NOX4: variants seen among roughly 807,000 people sequenced by gnomAD.
The protein encoded by NOX4 is NADPH oxidase 4.
NOX4 carries 69 observed loss-of-function variants against 87.6 expected under a neutral mutation model. That is an observed-to-expected ratio of 0.79 (90% CI 0.65 to 0.96). The LOEUF (loss-of-function observed/expected upper bound fraction) is 0.96, where lower values mean the gene tolerates loss of function less well. Among genes scored for constraint, NOX4 ranks in the 40% least tolerant of loss-of-function variants. The pLI is 0.00. For missense variants in NOX4, 680 were observed against 681.5 expected (o/e 1.00, Z 0.02); for synonymous variants, 275 against 238.2 (o/e 1.15, Z -1.42).
chr11:89,451,343 T>C (rs918414477), intron 3 of NOX4, among the ~76,000 whole-genome samples: 3 of 152,150 alleles, frequency 2.0e-5, no homozygotes, highest in African/African-American at 7.2e-5. Context: ...TCTAGTTTGC[T>C]CACCTGGATT....
intron 1 of NOX4, 160 bp from the exon 2 acceptor site, chr11:89,490,713 CT>C: frequency 1.4e-6 from 1 of 710,154 alleles, no homozygotes; most frequent in East Asian, 2.7e-5. Flanking sequence ...CTGAAAACCA[CT>C]CAGAGGAAAA....
At chr11:89,573,107 T>C in the NOX4 span, among the ~76,000 whole-genome samples, 1 of 152,246 alleles carries the variant, frequency 6.6e-6, no homozygotes, top group Admixed American at 6.5e-5. Context: ...TCAAAGTATA[T>C]GCATTTTAAA....
In NOX4 at chr11:89,433,007, C is replaced by T. The variant is rs1247930982; in HGVS notation, c.476-151G>A. 7 of 590,138 alleles carry T rather than the reference C, an allele frequency of 1.2e-5. 1 individual carries two copies. Among genetic ancestry groups the T allele is most frequent in the East Asian group, 2.8e-5 (1 of 35,706 alleles). 36.6% of individuals were successfully genotyped at this position (590,138 alleles called of 1,614,324 possible). On this transcript the variant is annotated intron_variant, in intron 6 of 17. Transcript: ENST00000263317. ...ACATGTATGTTCTCCCTCAAACAAG[C>T]CCTTTACTTTTTAATTTTTTAAATT...
intron 12 of NOX4, among the ~76,000 whole-genome samples, chr11:89,362,550 T>G (rs1055626403): frequency 6.6e-6 from 1 of 152,234 alleles, no homozygotes; most frequent in Admixed American, 6.5e-5. Flanking sequence ...GTTTGAATTT[T>G]TAATCTTTAG....
At chr11:89,583,198 G>A in the NOX4 span, among the ~76,000 whole-genome samples, 1 of 151,914 alleles carries the variant, frequency 6.6e-6, no homozygotes, top group East Asian at 1.9e-4. Context: ...ATGATAAGAT[G>A]TCTTGGAGAA....
At chr11:89,560,996 C>CTCTCTCTCTCTCTCTCTATA in the NOX4 span, among the ~76,000 whole-genome samples, 1 of 40,822 alleles carries the variant, frequency 2.4e-5, no homozygotes, top group African/African-American at 1.3e-4. Context: ...CTCTCTCTCT[C>CTCTCTCTCTCTCTCTCTATA]TATATATATA....
At chr11:89,564,372 A>C in the NOX4 span, among the ~76,000 whole-genome samples, 41 of 152,210 alleles carry the variant, frequency 2.7e-4, no homozygotes, top group African/African-American at 9.4e-4. Context: ...AGCAAAGGGG[A>C]AGGTGCTATA....
chr11:89,421,624 T>C (rs1017940229), intron 8 of NOX4, among the ~76,000 whole-genome samples: 2 of 152,174 alleles, frequency 1.3e-5, no homozygotes, highest in African/African-American at 2.4e-5. Context: ...TTAGAAGATA[T>C]TAGGATATAT....
chr11:89,436,724 G>C (rs1351252355), intron 6 of NOX4, among the ~76,000 whole-genome samples: 2 of 151,760 alleles, frequency 1.3e-5, no homozygotes, highest in African/African-American at 4.8e-5. Flanking sequence ...TTGTTTCTGA[G>C]GGTTTTTAAA....
chr11:89,430,660 CTTCT>C (rs1943727987), intron 7 of NOX4, among the ~76,000 whole-genome samples: 1 of 152,128 alleles, frequency 6.6e-6, no homozygotes, highest in South Asian at 2.1e-4. Flanking sequence ...ATGTGAAGGA[CTTCT>C]TCAAGGAGAA....
At chr11:89,453,647 T>C (rs182856656) in intron 2 of NOX4, among the ~76,000 whole-genome samples, 3 of 152,294 alleles carry the variant, frequency 2.0e-5, no homozygotes, top group African/African-American at 4.8e-5. Context: ...TATTAATACA[T>C]TAAACCTCTT....
intron 11 of NOX4, among the ~76,000 whole-genome samples, chr11:89,378,860 C>A (rs1032827665): frequency 6.6e-6 from 1 of 152,140 alleles, no homozygotes; most frequent in African/African-American, 2.4e-5. Flanking sequence ...GAGGAGATCA[C>A]GCGGAGCACC....
intron 7 of NOX4, among the ~76,000 whole-genome samples, chr11:89,429,197 C>T (rs547817968): frequency 6.6e-6 from 1 of 152,144 alleles, no homozygotes; most frequent in African/African-American, 2.4e-5. Context: ...ATCTCTGGGA[C>T]ACATTTAAAG....
the NOX4 span, among the ~76,000 whole-genome samples, chr11:89,588,980 G>A: frequency 6.6e-6 from 1 of 151,960 alleles, no homozygotes; most frequent in Non-Finnish European, 1.5e-5. Context: ...CCCTCCCAAG[G>A]TATCTCCTCA....
At chr11:89,462,142 G>T (rs1163705584) in intron 2 of NOX4, among the ~76,000 whole-genome samples, 2 of 151,984 alleles carry the variant, frequency 1.3e-5, no homozygotes, top group Non-Finnish European at 2.9e-5. Flanking sequence ...AATAAAAAAT[G>T]TAAATTGTCT....
intron 6 of NOX4, among the ~76,000 whole-genome samples, chr11:89,433,842 T>C (rs1005844445): frequency 2.0e-5 from 3 of 152,074 alleles, no homozygotes; most frequent in African/African-American, 7.2e-5. Flanking sequence ...TTAGCACATA[T>C]AGCATGTCCA....
intron 6 of NOX4, among the ~76,000 whole-genome samples, chr11:89,436,462 C>A (rs1316215408): frequency 6.6e-6 from 1 of 152,116 alleles, no homozygotes; most frequent in African/African-American, 2.4e-5. Context: ...TTTTTTAGTC[C>A]TTCAAGTTAG....
intron 4 of NOX4, among the ~76,000 whole-genome samples, chr11:89,445,740 T>G (rs760189742): frequency 1.3e-5 from 2 of 152,074 alleles, no homozygotes; most frequent in Non-Finnish European, 2.9e-5. Flanking sequence ...GACCCAAATG[T>G]AAAATGCAAA....
chr11:89,355,171 A>G, intron 12 of NOX4, 128 bp from the exon 13 acceptor site: 2 of 626,536 alleles, frequency 3.2e-6, no homozygotes. Context: ...CTTTATTAGA[A>G]ATTTACCCAC....
Sources: allele counts gnomAD v4.1 joint callset (sites outside exome capture counted in the v4.1 genomes callset), GRCh38; gene constraint gnomAD v4.1.1; transcripts MANE v1.5; gene names NCBI Gene and HGNC (gene_info 2026-07-23, HGNC 2026-07-21).